The following PAK5 variants were observed in gnomAD, a reference collection of about 807,000 sequenced individuals.
PAK5 encodes the protein p21 (RAC1) activated kinase 5.
In PAK5, 16 loss-of-function variants were observed where a neutral mutation model predicts 65.9. That is an observed-to-expected ratio of 0.24 (90% CI 0.16 to 0.37). The LOEUF is 0.37. Ranked by LOEUF, PAK5 falls within the 10% of genes least tolerant of loss-of-function variation. The pLI, the probability that PAK5 is intolerant of heterozygous loss-of-function variation, is 1.00. For missense variants in PAK5, 785 were observed against 903.9 expected (o/e 0.87, Z 1.69); for synonymous variants, 371 against 354.9 (o/e 1.05, Z -0.51).
intron 2 of PAK5, among the ~76,000 whole-genome samples, chr20:9,700,367 T>C (rs1378363423): frequency 6.6e-6 from 1 of 152,168 alleles, no homozygotes; most frequent in Non-Finnish European, 1.5e-5. Flanking sequence ...GCTGTGACTG[T>C]GCCACTGCAC....
chr20:9,660,652 A>G (rs530780081), intron 2 of PAK5, among the ~76,000 whole-genome samples: 1 of 152,258 alleles, frequency 6.6e-6, no homozygotes, highest in South Asian at 2.1e-4. Flanking sequence ...ATGTCCTTAA[A>G]TTAAGAAGGT....
chr20:9,713,785 A>G (rs6077592), intron 1 of PAK5, among the ~76,000 whole-genome samples: 51,997 of 151,896 alleles, frequency 0.34, 9,734 homozygotes, highest in South Asian at 0.52. Context: ...TCACTCACAC[A>G]TGGGAGCTAA....
chr20:9,608,926 A>G (rs1008761124), intron 3 of PAK5, among the ~76,000 whole-genome samples: 3 of 152,252 alleles, frequency 2.0e-5, no homozygotes, highest in Non-Finnish European at 4.4e-5. Context: ...AGAAAAGGAA[A>G]ACCTTAGAAA....
At chr20:9,639,722 T>A (rs1310744619) in intron 3 of PAK5, among the ~76,000 whole-genome samples, 1 of 152,238 alleles carries the variant, frequency 6.6e-6, no homozygotes, top group Non-Finnish European at 1.5e-5. Flanking sequence ...AAGCCCATAC[T>A]AGTGAGTAAG....
At chr20:9,545,994 C>A (rs567160514) in intron 7 of PAK5, among the ~76,000 whole-genome samples, 1 of 151,826 alleles carries the variant, frequency 6.6e-6, no homozygotes, top group Non-Finnish European at 1.5e-5. Flanking sequence ...TTTTCAAAAT[C>A]AAAATTGTTG....
chr20:9,675,821 G>A (rs149815606), intron 2 of PAK5, among the ~76,000 whole-genome samples: 4 of 152,318 alleles, frequency 2.6e-5, no homozygotes, highest in African/African-American at 7.2e-5. Context: ...CTGATACCAT[G>A]TGTCTTGCTG....
chr20:9,604,036 T>C (rs911527031), intron 3 of PAK5, among the ~76,000 whole-genome samples: 1 of 152,212 alleles, frequency 6.6e-6, no homozygotes, highest in African/African-American at 2.4e-5. Context: ...CACCACAAAT[T>C]ATTGATATCA....
intron 7 of PAK5, among the ~76,000 whole-genome samples, chr20:9,545,737 A>G (rs1461588877): frequency 6.6e-6 from 1 of 152,042 alleles, no homozygotes; most frequent in Non-Finnish European, 1.5e-5. Flanking sequence ...CAAAGCCTGT[A>G]TTTCCAACTA....
At chr20:9,767,593 G>C (rs1020603412) in intron 1 of PAK5, among the ~76,000 whole-genome samples, 3 of 152,120 alleles carry the variant, frequency 2.0e-5, no homozygotes, top group African/African-American at 7.2e-5. Context: ...AGCAGAGTGG[G>C]CAATCCATAA....
At chr20:9,806,367 A>C (rs1054053619) in intron 1 of PAK5, among the ~76,000 whole-genome samples, 1 of 152,292 alleles carries the variant, frequency 6.6e-6, no homozygotes, top group South Asian at 2.1e-4. Flanking sequence ...GCTTTGCTCC[A>C]GTTCCTGCAT....
At chr20:9,795,384 A>C (rs115997945) in intron 1 of PAK5, among the ~76,000 whole-genome samples, 1,658 of 152,234 alleles carry the variant, frequency 0.011, 38 homozygotes, top group African/African-American at 0.037. Context: ...AAATATTTAA[A>C]TGTCTTTAAA....
rs541982572 is a variant in PAK5 at position 9,540,245 on chromosome 20, G to A, written c.2005-628C>T. 1.3e-4 allele frequency among the ~76,000 whole-genome samples: 20 copies of A among 152,086 alleles called. No individual in the cohort carries two copies. The South Asian group carries it at 3.7e-3, about 28-fold the overall frequency. The stretch of plus-strand genomic sequence containing the variant: ...GCATGTGCCAGCATGCCCAGGTTCC[G>A]CTGCACAAATACTAAGAGTGTGGCT... On this transcript the variant is annotated intron_variant, in intron 9 of 9. Transcript: ENST00000353224.
At chr20:9,800,603 T>G (rs1168839408) in intron 1 of PAK5, among the ~76,000 whole-genome samples, 2 of 152,088 alleles carry the variant, frequency 1.3e-5, no homozygotes, top group Admixed American at 6.6e-5. Context: ...GAATTTACAA[T>G]AATGCAGTTC....
intron 3 of PAK5, among the ~76,000 whole-genome samples, chr20:9,604,021 C>A (rs1266924757): frequency 1.3e-5 from 2 of 152,218 alleles, no homozygotes; most frequent in African/African-American, 2.4e-5. Flanking sequence ...GAATTATGAT[C>A]ACCACACCAC....
intron 4 of PAK5, among the ~76,000 whole-genome samples, chr20:9,578,087 C>T (rs756523547): frequency 6.6e-6 from 1 of 151,980 alleles, no homozygotes; most frequent in Non-Finnish European, 1.5e-5. Flanking sequence ...CAGTTGAGTC[C>T]CCGAGATAAC....
intron 3 of PAK5, among the ~76,000 whole-genome samples, chr20:9,619,431 C>T (rs1424981235): frequency 1.3e-5 from 2 of 152,230 alleles, no homozygotes; most frequent in South Asian, 4.1e-4. Context: ...CCACACTTCT[C>T]TTACCCCTTT....
chr20:9,671,279 A>G (rs2047493961), intron 2 of PAK5, among the ~76,000 whole-genome samples: 1 of 152,168 alleles, frequency 6.6e-6, no homozygotes, highest in South Asian at 2.1e-4. Context: ...TTCCATATGA[A>G]CTTTAAAGTA....
chr20:9,655,009 G>A (rs1299569575), intron 2 of PAK5, among the ~76,000 whole-genome samples: 1 of 152,014 alleles, frequency 6.6e-6, no homozygotes, highest in Non-Finnish European at 1.5e-5. Flanking sequence ...AACACATTCT[G>A]TCTACCCTGT....
intron 2 of PAK5, among the ~76,000 whole-genome samples, chr20:9,660,591 T>A (rs2047331812): frequency 6.6e-6 from 1 of 152,114 alleles, no homozygotes; most frequent in Non-Finnish European, 1.5e-5. Flanking sequence ...GAATGGCGAA[T>A]GCTGTGGCAG....
Sources: gnomAD v4.1 joint callset for allele counts (sites outside exome capture counted in the v4.1 genomes callset) on GRCh38, gnomAD v4.1.1 for gene constraint, MANE v1.5 for transcripts, NCBI Gene and HGNC (gene_info 2026-07-23, HGNC 2026-07-21) for gene names.